Variants in FAR2 observed in about 807,000 individuals in gnomAD.
FAR2 encodes the protein fatty acyl-CoA reductase 2.
In FAR2, 19 loss-of-function variants were observed where a neutral mutation model predicts 56.0. That is an observed-to-expected ratio of 0.34 (90% CI 0.24 to 0.50). The LOEUF is 0.50. Among genes scored for constraint, FAR2 ranks in the 20% least tolerant of loss-of-function variants. FAR2 has a pLI of 0.98. For missense variants in FAR2, 508 were observed against 642.2 expected (o/e 0.79, Z 2.26); for synonymous variants, 219 against 218.8 (o/e 1.00, Z -0.01).
chr12:29,212,712 A>G (rs1344266868), intron 1 of FAR2, among the ~76,000 whole-genome samples: 2 of 152,208 alleles, frequency 1.3e-5, no homozygotes, highest in East Asian at 3.8e-4. Context: ...ATAAAACGGC[A>G]TTACCAAGTT....
chr12:29,312,582 TC>T (rs1176879802), intron 8 of FAR2, among the ~76,000 whole-genome samples: 1 of 152,146 alleles, frequency 6.6e-6, no homozygotes, highest in East Asian at 1.9e-4. Flanking sequence ...TCTAGATGAT[TC>T]TTGATGCTTG....
chr12:29,311,903 A>G lies in FAR2; in HGVS notation c.908A>G (p.Tyr303Cys), dbSNP rs1179485543. Residue 303 changes from tyrosine (Y) to cysteine (C), a missense_variant, in exon 8 of 12, where the codon TAC becomes TGC. Transcript: ENST00000536681. ...AVHRPKSTLV[Y>C]HITSGNMNPC... ...TCCAGACCTAAGTCAACATTAGTCT[A>G]CCACATTACATCTGGTAACATGAAT... 1 of 1,610,682 alleles carries G rather than the reference A, an allele frequency of 6.2e-7. No homozygotes were observed. Among genetic ancestry groups the G allele is most frequent in the Admixed American group, 1.7e-5 (1 of 59,596 alleles).
At chr12:29,168,654 A>G (rs1476271742) in intron 1 of FAR2, among the ~76,000 whole-genome samples, 1 of 152,186 alleles carries the variant, frequency 6.6e-6, no homozygotes, top group African/African-American at 2.4e-5. Context: ...AGATGTGTCC[A>G]GAGTTTCTTC....
intron 1 of FAR2, among the ~76,000 whole-genome samples, chr12:29,165,922 G>A (rs1388393914): frequency 6.6e-6 from 1 of 152,200 alleles, no homozygotes; most frequent in African/African-American, 2.4e-5. Context: ...GGAAAAACAG[G>A]AAGCAAATAA....
chr12:29,324,688 C>T (rs1267528808), intron 10 of FAR2, among the ~76,000 whole-genome samples: 2 of 152,110 alleles, frequency 1.3e-5, no homozygotes, highest in Non-Finnish European at 2.9e-5. Flanking sequence ...ACTTTACAGA[C>T]AAGCAAATGC....
At chr12:29,180,897 C>G (rs780493253) in intron 1 of FAR2, among the ~76,000 whole-genome samples, 2 of 152,078 alleles carry the variant, frequency 1.3e-5, no homozygotes, top group African/African-American at 2.4e-5. Context: ...CTTCTGTGTA[C>G]AGAAAGAATA....
chr12:29,169,147 C>T (rs905178085), intron 1 of FAR2, among the ~76,000 whole-genome samples: 1 of 152,156 alleles, frequency 6.6e-6, no homozygotes, highest in Non-Finnish European at 1.5e-5. Context: ...CCAGGAAGTC[C>T]AGCTGGCTTC....
In FAR2 at chr12:29,233,109, A is replaced by G. The variant is rs1591874756; in HGVS notation, c.-38-37303A>G. 2.0e-5 allele frequency among the ~76,000 whole-genome samples: 3 copies of G among 152,266 alleles called. No homozygotes were observed. The South Asian group carries it at 6.2e-4, about 32-fold the overall frequency. The stretch of plus-strand genomic sequence containing the variant: ...CTTCAATACCATTTCTAACTGGCCC[A>G]GGTGACATAATTTTTAATCATTCTC... On this transcript the variant is annotated intron_variant, in intron 1 of 11. Transcript: ENST00000536681.
intron 2 of FAR2, chr12:29,282,384 T>C (rs1948801325): frequency 6.6e-6 from 1 of 152,220 alleles, no homozygotes; most frequent in South Asian, 2.1e-4. Flanking sequence ...TTATCTCATG[T>C]TAATCAAGTC....
At chr12:29,169,361 T>G (rs2136585215) in intron 1 of FAR2, among the ~76,000 whole-genome samples, 1 of 152,292 alleles carries the variant, frequency 6.6e-6, no homozygotes, top group East Asian at 1.9e-4. Flanking sequence ...TGAGCTCATT[T>G]GGGGTTCCAT....
chr12:29,273,378 C>T (rs577579832), intron 2 of FAR2, among the ~76,000 whole-genome samples: 11 of 152,054 alleles, frequency 7.2e-5, no homozygotes, highest in South Asian at 2.1e-4. Context: ...CCCCCACCAA[C>T]GAGGAAGGAT....
intron 1 of FAR2, among the ~76,000 whole-genome samples, chr12:29,253,351 C>A (rs1251728479): frequency 6.7e-6 from 1 of 148,876 alleles, no homozygotes; most frequent in Non-Finnish European, 1.5e-5. Context: ...ATATCTATAT[C>A]TATCTATACA....
intron 1 of FAR2, among the ~76,000 whole-genome samples, chr12:29,223,262 T>G (rs1947719274): frequency 6.6e-6 from 1 of 152,224 alleles, no homozygotes; most frequent in African/African-American, 2.4e-5. Flanking sequence ...ACTTTTGAGA[T>G]GATGTGTTTA....
chr12:29,164,575 G>T (rs1457349224), intron 1 of FAR2, among the ~76,000 whole-genome samples: 1 of 152,078 alleles, frequency 6.6e-6, no homozygotes, highest in Non-Finnish European at 1.5e-5. Context: ...TGGACACCCC[G>T]GCTGGCCCTG....
intron 1 of FAR2, among the ~76,000 whole-genome samples, chr12:29,170,554 C>T (rs1435628578): frequency 6.6e-6 from 1 of 152,140 alleles, no homozygotes; most frequent in Non-Finnish European, 1.5e-5. Flanking sequence ...TTTCATCTCT[C>T]TTTCTTTTTC....
chr12:29,210,933 T>G (rs997694575), intron 1 of FAR2, among the ~76,000 whole-genome samples: 2 of 82,968 alleles, frequency 2.4e-5, no homozygotes, highest in Non-Finnish European at 4.9e-5. Flanking sequence ...AGAGTGAGAC[T>G]CCGTCTTAAA....
intron 1 of FAR2, among the ~76,000 whole-genome samples, chr12:29,256,415 T>TA (rs1466030128): frequency 1.3e-5 from 2 of 152,184 alleles, no homozygotes; most frequent in African/African-American, 2.4e-5. Flanking sequence ...CTCAAACTCC[T>TA]GGCATCAAGC....
intron 1 of FAR2, among the ~76,000 whole-genome samples, chr12:29,234,560 C>T (rs143758912): frequency 6.6e-6 from 1 of 152,248 alleles, no homozygotes. Context: ...CTTCGAGTTG[C>T]TATTTGTCTA....
At chr12:29,274,291 G>A (rs946395806) in intron 2 of FAR2, among the ~76,000 whole-genome samples, 3 of 149,396 alleles carry the variant, frequency 2.0e-5, no homozygotes, top group Non-Finnish European at 4.4e-5. Flanking sequence ...AGAACATGTG[G>A]TGTTTGGTTT....
Sources: allele counts gnomAD v4.1 joint callset (sites outside exome capture counted in the v4.1 genomes callset), GRCh38; gene constraint gnomAD v4.1.1; transcripts MANE v1.5; gene names NCBI Gene and HGNC (gene_info 2026-07-23, HGNC 2026-07-21).